Variants in SYT14 observed in about 807,000 individuals in gnomAD.
SYT14 encodes synaptotagmin-14.
SYT14 carries 32 observed loss-of-function variants against 74.2 expected under a neutral mutation model. The ratio of observed to expected loss-of-function variants is 0.43; its 90% CI spans 0.33 to 0.58. The LOEUF (loss-of-function observed/expected upper bound fraction) is 0.58. Among genes scored for constraint, SYT14 ranks in the 20% least tolerant of loss-of-function variants. The probability of loss-of-function intolerance (pLI) is 0.05; values close to 1 mark genes in which losing one functional copy is unlikely to be tolerated. For missense variants in SYT14, 791 were observed against 981.8 expected (o/e 0.81, Z 2.60); for synonymous variants, 298 against 337.7 (o/e 0.88, Z 1.29).
chr1:210,023,782 A>T (rs1446664500), intron 5 of SYT14, among the ~76,000 whole-genome samples: 6 of 152,370 alleles, frequency 3.9e-5, no homozygotes, highest in South Asian at 2.1e-4. Flanking sequence ...CAAGCATGGA[A>T]TAGGGCTTTC....
intron 7 of SYT14, among the ~76,000 whole-genome samples, chr1:210,124,324 A>G (rs2082525691): frequency 6.6e-6 from 1 of 152,148 alleles, no homozygotes; most frequent in Non-Finnish European, 1.5e-5. Context: ...AAGATTTAAA[A>G]AAGGATTAGA....
intron 5 of SYT14, among the ~76,000 whole-genome samples, chr1:210,064,594 A>G (rs1315781498): frequency 6.6e-6 from 1 of 151,996 alleles, no homozygotes; most frequent in Non-Finnish European, 1.5e-5. Flanking sequence ...TGTACCAGGT[A>G]TTATTTCTTT....
intron 7 of SYT14, among the ~76,000 whole-genome samples, chr1:210,149,056 A>G (rs2083103815): frequency 1.3e-5 from 2 of 152,198 alleles, no homozygotes; most frequent in African/African-American, 4.8e-5. Context: ...TATAAACTTT[A>G]TAAACCAATC....
intron 7 of SYT14, among the ~76,000 whole-genome samples, chr1:210,114,714 A>G (rs1238304690): frequency 2.0e-5 from 3 of 151,018 alleles, no homozygotes; most frequent in Non-Finnish European, 2.9e-5. Context: ...AGCTCCAGCC[A>G]CCTCTTTAAG....
intron 2 of SYT14, among the ~76,000 whole-genome samples, chr1:209,998,922 A>C (rs541910920): frequency 5.9e-5 from 9 of 152,194 alleles, no homozygotes; most frequent in African/African-American, 2.2e-4. Flanking sequence ...ACAAGCTAAA[A>C]CCCCCCAAAA....
chr1:209,956,666 T>G (rs747058630), intron 2 of SYT14, among the ~76,000 whole-genome samples: 6 of 152,158 alleles, frequency 3.9e-5, no homozygotes, highest in Non-Finnish European at 8.8e-5. Flanking sequence ...AGTCTGCCAT[T>G]TATCAATTAA....
intron 7 of SYT14, among the ~76,000 whole-genome samples, chr1:210,105,757 A>G (rs1458752382): frequency 6.6e-6 from 1 of 152,136 alleles, no homozygotes; most frequent in African/African-American, 2.4e-5. Flanking sequence ...ATTTCTCATG[A>G]GTGGTTTAGC....
chr1:209,993,126 T>C (rs1250221548), intron 2 of SYT14, among the ~76,000 whole-genome samples: 2 of 152,190 alleles, frequency 1.3e-5, no homozygotes, highest in African/African-American at 4.8e-5. Flanking sequence ...GCTGGGTAGC[T>C]CTGTCAGAGA....
intron 5 of SYT14, among the ~76,000 whole-genome samples, chr1:210,071,723 A>G (rs897775166): frequency 1.3e-5 from 2 of 152,016 alleles, no homozygotes; most frequent in Non-Finnish European, 2.9e-5. Flanking sequence ...ACACTAAGAA[A>G]GAAGAAAGTA....
chr1:210,142,321 A>C (rs75830055), intron 7 of SYT14, among the ~76,000 whole-genome samples: 2,555 of 152,262 alleles, frequency 0.017, 24 homozygotes, highest in South Asian at 0.025. Context: ...CACAGTATTG[A>C]GCCATTTTTC....
At chr1:210,004,778 G>A (rs1339078510) in intron 2 of SYT14, among the ~76,000 whole-genome samples, 2 of 151,952 alleles carry the variant, frequency 1.3e-5, no homozygotes, top group Non-Finnish European at 2.9e-5. Context: ...GAACTTAAAG[G>A]ATTGTATCTT....
intron 2 of SYT14, among the ~76,000 whole-genome samples, chr1:210,005,630 A>G (rs890233785): frequency 3.9e-5 from 6 of 152,004 alleles, no homozygotes; most frequent in Admixed American, 2.0e-4. Context: ...AAGAATGACT[A>G]TGCTTTGCTG....
chr1:210,156,973 C>T (rs985880806), intron 8 of SYT14: 6 of 240,028 alleles, frequency 2.5e-5, no homozygotes, highest in Admixed American at 7.3e-5. Flanking sequence ...GGATTACAGG[C>T]GTGAGCCACT....
At chr1:210,128,267 C>T (rs2082608025) in intron 7 of SYT14, among the ~76,000 whole-genome samples, 1 of 151,720 alleles carries the variant, frequency 6.6e-6, no homozygotes, top group South Asian at 2.1e-4. Flanking sequence ...GTCCCAGCTA[C>T]TTGGGAGGCT....
At chr1:210,121,603 G>A (rs1360274510) in intron 7 of SYT14, among the ~76,000 whole-genome samples, 2 of 152,114 alleles carry the variant, frequency 1.3e-5, no homozygotes, top group South Asian at 2.1e-4. Context: ...GACCATCCTG[G>A]CTAACATGGT....
chr1:210,020,384 T>C (rs761042923), intron 4 of SYT14, among the ~76,000 whole-genome samples: 1 of 152,210 alleles, frequency 6.6e-6, no homozygotes, highest in Non-Finnish European at 1.5e-5. Flanking sequence ...TTTCTTAGGC[T>C]GAATTCTTAG....
chr1:209,974,127 G>C (rs1396059310), intron 2 of SYT14, among the ~76,000 whole-genome samples: 6 of 151,940 alleles, frequency 3.9e-5, no homozygotes, highest in African/African-American at 1.4e-4. Flanking sequence ...TGTCAGATGA[G>C]TAGATTGCAA....
intron 5 of SYT14, among the ~76,000 whole-genome samples, chr1:210,052,674 A>AAAAAAAAAAAAAAAAAAAG: frequency 6.7e-6 from 1 of 149,342 alleles, no homozygotes; most frequent in Non-Finnish European, 1.5e-5. Context: ...CCAAAAAAAA[A>AAAAAAAAAAAAAAAAAAAG]AAAAAAAAAA....
At chr1:209,952,688 C>G in intron 1 of SYT14, 21 bp from the exon 2 acceptor site, 1 of 1,594,006 alleles carries the variant, frequency 6.3e-7, no homozygotes, top group Non-Finnish European at 8.6e-7. Context: ...TTTTTAACTT[C>G]CCATAAACTT....
Sources: allele counts gnomAD v4.1 joint callset (sites outside exome capture counted in the v4.1 genomes callset), GRCh38; gene constraint gnomAD v4.1.1; transcripts MANE v1.5; gene names NCBI Gene and HGNC (gene_info 2026-07-23, HGNC 2026-07-21).